Variants in FRZB observed in about 807,000 individuals in gnomAD.
FRZB encodes the protein secreted frizzled-related protein 3.
A neutral mutation model predicts 32.5 loss-of-function variants in FRZB; 34 were observed. The ratio of observed to expected loss-of-function variants is 1.05; its 90% confidence interval spans 0.80 to 1.39. The LOEUF (loss-of-function observed/expected upper bound fraction) is 1.39, where lower values mean the gene tolerates loss of function less well. Among genes scored for constraint, FRZB ranks in the 40% most tolerant of loss-of-function variants. FRZB has a pLI of 0.00. For synonymous variants in FRZB, 170 were observed against 159.2 expected (o/e 1.07, Z -0.51); for missense variants, 423 against 424.8 (o/e 1.00, Z 0.04).
intron 2 of FRZB, among the ~76,000 whole-genome samples, chr2:182,848,084 A>C (rs554938785): frequency 4.7e-4 from 71 of 151,952 alleles, no homozygotes; most frequent in Non-Finnish European, 7.7e-4. Context: ...AAAAAAAAAA[A>C]AAAACAGCAG....
rs538708064 is a variant in FRZB, at chr2:182,840,105, C to T, written c.593-1492G>A. Reference sequence around the variant, plus strand: ...GAATTAGTTGCCTCAAGTATGAGAACGTGTAGCAAACAAACTGTAACTACC... The same window carrying T: ...GAATTAGTTGCCTCAAGTATGAGAATGTGTAGCAAACAAACTGTAACTACC... On this transcript the variant is annotated intron_variant, in intron 3 of 5. Coordinates refer to ENST00000295113, the MANE Select transcript of FRZB (RefSeq NM_001463.4). Among the ~76,000 whole-genome samples, 13 of 152,214 alleles carry T rather than the reference C, an allele frequency of 8.5e-5. No homozygotes were observed. In the South Asian group the frequency reaches 2.3e-3, roughly 27 times the overall value.
At chr2:182,846,851 C>T (rs1321119109) in intron 2 of FRZB, among the ~76,000 whole-genome samples, 1 of 152,160 alleles carries the variant, frequency 6.6e-6, no homozygotes, top group African/African-American at 2.4e-5. Flanking sequence ...TAATTTTTAA[C>T]ATCTGGTAAC....
At chr2:182,841,933 AGTTT>A (rs1695590257) in intron 3 of FRZB, among the ~76,000 whole-genome samples, 1 of 152,166 alleles carries the variant, frequency 6.6e-6, no homozygotes, top group Non-Finnish European at 1.5e-5. Flanking sequence ...ATTAATATTT[AGTTT>A]ATTAGAATGT....
chr2:182,850,524 C>T (rs1472824221), intron 2 of FRZB, among the ~76,000 whole-genome samples: 1 of 152,072 alleles, frequency 6.6e-6, no homozygotes, highest in African/African-American at 2.4e-5. Flanking sequence ...ACATAATGAC[C>T]TCCAGTTCCA....
chr2:182,837,698 T>C (rs1695542749), intron 5 of FRZB, among the ~76,000 whole-genome samples: 1 of 151,996 alleles, frequency 6.6e-6, no homozygotes, highest in East Asian at 1.9e-4. Context: ...GGACTACAGC[T>C]AGACTCCTTG....
Position 182,866,246 on chromosome 2 carries a change from C to A in FRZB, c.307G>T (p.Glu103Ter). The change falls in exon 1 of 6, where the codon GAG (glutamate) becomes TAG (stop). Residue 103 changes from glutamate to a stop codon, truncating the protein, a stop_gained. Transcript: ENST00000295113. LOFTEE classifies it high-confidence loss of function. This position sits in a 1 kb window ranked among gnomAD's most constrained non-coding sequence, Gnocchi z 4.5. Reference protein sequence around the residue: ...APICTIDFQHEPIKPCKSVCE... With the variant: ...APICTIDFQH ...ACAGACTTACAGGGCTTGATGGGCT[C>A]GTGCTGGAAGTCAATGGTGCAGATG... 1 of 1,614,136 alleles carries A rather than the reference C, an allele frequency of 6.2e-7. No individual in the cohort carries two copies. The highest frequency in any genetic ancestry group is 8.5e-7 in the Non-Finnish European group (1 of 1,180,038).
chr2:182,862,776 T>TTC (rs1347648574), intron 1 of FRZB, among the ~76,000 whole-genome samples: 2 of 18,038 alleles, frequency 1.1e-4, no homozygotes, highest in East Asian at 5.6e-4. Context: ...TTCTTTTCTT[T>TTC]TTTTTTTTTT....
At chr2:182,846,550 A>G (rs1177805324) in intron 2 of FRZB, among the ~76,000 whole-genome samples, 1 of 152,170 alleles carries the variant, frequency 6.6e-6, no homozygotes, top group African/African-American at 2.4e-5. Flanking sequence ...AACTTTTTCA[A>G]GACTGACCTT....
At chr2:182,865,171 G>A (rs1695877121) in intron 1 of FRZB, among the ~76,000 whole-genome samples, 1 of 152,046 alleles carries the variant, frequency 6.6e-6, no homozygotes, top group Non-Finnish European at 1.5e-5. Flanking sequence ...CACGGAAAAG[G>A]AGCATGAAAT....
At chr2:182,855,840 G>A (rs1172330118) in intron 2 of FRZB, among the ~76,000 whole-genome samples, 2 of 151,974 alleles carry the variant, frequency 1.3e-5, no homozygotes, top group African/African-American at 4.8e-5. Context: ...GCCCAGACAT[G>A]TAATAATTAA....
At chr2:182,865,653 C>A (rs957080254) in intron 1 of FRZB, among the ~76,000 whole-genome samples, 1 of 152,146 alleles carries the variant, frequency 6.6e-6, no homozygotes, top group Non-Finnish European at 1.5e-5. Context: ...GATACAGAAA[C>A]CTGATGACTG....
intron 1 of FRZB, among the ~76,000 whole-genome samples, chr2:182,859,298 T>G (rs1259069425): frequency 6.6e-6 from 1 of 152,162 alleles, no homozygotes; most frequent in African/African-American, 2.4e-5. Context: ...TCATGTCCTT[T>G]AACTGCAGGC....
At chr2:182,845,889 T>A (rs906239320) in intron 2 of FRZB, among the ~76,000 whole-genome samples, 1 of 152,212 alleles carries the variant, frequency 6.6e-6, no homozygotes, top group South Asian at 2.1e-4. Flanking sequence ...CATAGAAACA[T>A]GAGTTTATCA....
intron 2 of FRZB, among the ~76,000 whole-genome samples, chr2:182,853,033 C>T (rs1695726961): frequency 6.6e-6 from 1 of 151,328 alleles, no homozygotes; most frequent in Non-Finnish European, 1.5e-5. Context: ...CATGATCAAC[C>T]TCAGCTGTTA....
At chr2:182,841,033 C>G (rs2105753342) in intron 3 of FRZB, among the ~76,000 whole-genome samples, 1 of 152,220 alleles carries the variant, frequency 6.6e-6, no homozygotes, top group Non-Finnish European at 1.5e-5. Flanking sequence ...AAGCTAATCT[C>G]CTAGAAATTA....
chr2:182,858,934 C>G, intron 1 of FRZB, 101 bp from the exon 2 acceptor site: 1 of 963,040 alleles, frequency 1.0e-6, no homozygotes, highest in South Asian at 1.4e-5. Context: ...GGGTAAGAAT[C>G]CAATTGTCTG....
At chr2:182,863,766 C>T (rs1695859923) in intron 1 of FRZB, among the ~76,000 whole-genome samples, 1 of 152,162 alleles carries the variant, frequency 6.6e-6, no homozygotes, top group African/African-American at 2.4e-5. Context: ...TTACACTGGC[C>T]ACATGTGGTA....
rs766968251 is a variant in FRZB at position 182,842,495 on chromosome 2, C to T, written c.575G>A (p.Arg192Gln). 9.3e-6 allele frequency: 15 copies of T among 1,612,512 alleles called. No individual in the cohort carries two copies. Among genetic ancestry groups the T allele is most frequent in the Middle Eastern group, 1.7e-4 (1 of 6,052 alleles). ...TTCCTTACCATAGTTGTAATTGTTC[C>T]GGAAATAGGTCTTCTGTGTAGCTCT... ...PIRATQKTYF[R>Q]NNYNYVIRAK... The change falls in exon 3 of 6, where the codon CGG becomes CAG. Residue 192 changes from arginine (R) to glutamine (Q), a missense_variant. Transcript: ENST00000295113.
chr2:182,863,184 G>T (rs538552110), intron 1 of FRZB, among the ~76,000 whole-genome samples: 1 of 151,948 alleles, frequency 6.6e-6, no homozygotes, highest in African/African-American at 2.4e-5. Flanking sequence ...AGTTGATGTC[G>T]GGGCAGAGTC....
Sources: allele counts gnomAD v4.1 joint callset (sites outside exome capture counted in the v4.1 genomes callset), GRCh38; gene constraint gnomAD v4.1.1; non-coding constraint Gnocchi (gnomAD v3.1); transcripts MANE v1.5; gene names NCBI Gene and HGNC (gene_info 2026-07-23, HGNC 2026-07-21).